Variants in SPRED1 observed in about 807,000 individuals in gnomAD.
SPRED1 encodes sprouty-related, EVH1 domain-containing protein 1.
Under a neutral mutation model 52.3 loss-of-function variants are expected in SPRED1, and 18 were observed. That is an observed-to-expected ratio of 0.34 (90% CI 0.24 to 0.51). The LOEUF (loss-of-function observed/expected upper bound fraction) is 0.51. Among genes scored for constraint, SPRED1 ranks in the 20% least tolerant of loss-of-function variants. The probability of loss-of-function intolerance (pLI) is 0.97; values close to 1 mark genes in which losing one functional copy is unlikely to be tolerated. For missense variants in SPRED1, 485 were observed against 551.0 expected, an observed-to-expected ratio of 0.88 and a Z score of 1.20; for synonymous variants, 155 against 179.7, an observed-to-expected ratio of 0.86 and a Z score of 1.10.
chr15:38,347,802 A>G (rs184290286), intron 5 of SPRED1, among the ~76,000 whole-genome samples: 1 of 145,598 alleles, frequency 6.9e-6, no homozygotes. Context: ...AGCATCTCTT[A>G]TGACTTTTTC....
intron 1 of SPRED1, among the ~76,000 whole-genome samples, chr15:38,282,837 G>A (rs997220098): frequency 1.3e-5 from 2 of 151,926 alleles, no homozygotes; most frequent in African/African-American, 4.8e-5. Context: ...ACCATGGTTT[G>A]TAGCTTTGTA....
intron 4 of SPRED1, among the ~76,000 whole-genome samples, chr15:38,335,495 A>G (rs1174658240): frequency 6.6e-6 from 1 of 152,116 alleles, no homozygotes; most frequent in Non-Finnish European, 1.5e-5. Context: ...TTAGAAAATT[A>G]TTTTATTGAC....
chr15:38,273,040 C>T (rs1212913933), intron 1 of SPRED1, among the ~76,000 whole-genome samples: 1 of 152,050 alleles, frequency 6.6e-6, no homozygotes, highest in Non-Finnish European at 1.5e-5. Context: ...TAATTAGGTC[C>T]CACTTGTCAA....
intron 6 of SPRED1, among the ~76,000 whole-genome samples, chr15:38,350,613 A>G (rs1174874630): frequency 6.6e-6 from 1 of 152,092 alleles, no homozygotes; most frequent in Non-Finnish European, 1.5e-5. Flanking sequence ...TTAAGTCCCA[A>G]ATCTCATCTA....
intron 1 of SPRED1, among the ~76,000 whole-genome samples, chr15:38,257,280 T>G (rs1894117299): frequency 6.6e-6 from 1 of 152,214 alleles, no homozygotes; most frequent in Non-Finnish European, 1.5e-5. Flanking sequence ...TACTTTTGTT[T>G]GTATGCCTAG....
chr15:38,281,049 T>C (rs1056983274), intron 1 of SPRED1, among the ~76,000 whole-genome samples: 1 of 152,092 alleles, frequency 6.6e-6, no homozygotes, highest in Non-Finnish European at 1.5e-5. Context: ...TGGAGAAGAG[T>C]TGATCACTGA....
At chr15:38,350,160 A>C (rs892083563) in intron 6 of SPRED1, among the ~76,000 whole-genome samples, 5 of 152,172 alleles carry the variant, frequency 3.3e-5, no homozygotes, top group Non-Finnish European at 7.3e-5. Flanking sequence ...CAACAACAGA[A>C]ATTTATTTTC....
chr15:38,313,278 A>G (rs866055098), intron 2 of SPRED1, among the ~76,000 whole-genome samples: 3 of 152,052 alleles, frequency 2.0e-5, no homozygotes, highest in Admixed American at 6.6e-5. Flanking sequence ...AAGATAATGT[A>G]GCATTTAACT....
At position 38,269,745 on chromosome 15, in the gene SPRED1, G is replaced by A. The variant is rs1305261440; in HGVS notation, c.32+16528G>A. On this transcript the variant is annotated intron_variant, in intron 1 of 6. Transcript: ENST00000299084. ...TGATGATGGAAACATTCTGTTTGTG[G>A]TATCCACTATGGTAGCTACTATATA... is the stretch of plus-strand genomic sequence containing the variant. 3.9e-5 allele frequency among the ~76,000 whole-genome samples: 6 copies of A among 152,214 alleles called. No homozygotes were observed. In the East Asian group the frequency reaches 1.2e-3, roughly 29 times the overall value.
Position 38,351,742 on chromosome 15 carries a change from A to G in SPRED1, c.*78A>G. 6.5e-7 allele frequency: 1 copy of G among 1,537,306 alleles called. No individual in the cohort carries two copies. The highest frequency in any genetic ancestry group is 1.8e-5 in the Admixed American group (1 of 55,518). On this transcript the variant is annotated 3_prime_UTR_variant, in exon 7 of 7. Coordinates refer to ENST00000299084, the MANE Select transcript of SPRED1 (RefSeq NM_152594.3). ...ACTTGGATTTGTGGAAGCTTTTGGC[A>G]AGCAATATGGAATCTTGCCTGGTAT...
Position 38,315,098 on chromosome 15 carries a change from A to C in SPRED1, c.208-7143A>C, listed in dbSNP as rs533475014. On this transcript the variant is annotated intron_variant, in intron 2 of 6. Coordinates refer to ENST00000299084, the MANE Select transcript of SPRED1 (RefSeq NM_152594.3). ...CTTAAAGGGTACAGGTTTTTATGTC[A>C]TTCAGAAAATTAAAGTTCATTATAA... Among the ~76,000 whole-genome samples, 50 of 152,076 alleles carry C rather than the reference A, an allele frequency of 3.3e-4. 1 individual carries two copies. The highest frequency in any genetic ancestry group is 1.2e-3 in the African/African-American group (49 of 41,564).
chr15:38,352,249 T>G lies in SPRED1; in HGVS notation c.*585T>G, dbSNP rs1595764485. ...TTCCTAGTTCTGAAGTAGATATATA[T>G]ATATATATATCTACTGTCACATTCC... On this transcript the variant is annotated 3_prime_UTR_variant, in exon 7 of 7. Coordinates refer to ENST00000299084, the MANE Select transcript of SPRED1 (RefSeq NM_152594.3). 6.5e-6 allele frequency: 1 copy of G among 152,928 alleles called. No homozygotes were observed. Among genetic ancestry groups the G allele is most frequent in the East Asian group, 1.9e-4 (1 of 5,178 alleles). The allele number at this position is 152,928 out of a possible 1,614,324, so 9.5% of individuals were successfully genotyped here.
At chr15:38,349,766 T>C (rs538615598) in intron 6 of SPRED1, among the ~76,000 whole-genome samples, 1 of 152,240 alleles carries the variant, frequency 6.6e-6, no homozygotes, top group Non-Finnish European at 1.5e-5. Flanking sequence ...ATATTGTTAA[T>C]TAAATAAACT....
chr15:38,311,090 G>A (rs1446506843), intron 2 of SPRED1, among the ~76,000 whole-genome samples: 1 of 152,082 alleles, frequency 6.6e-6, no homozygotes, highest in Non-Finnish European at 1.5e-5. Flanking sequence ...TTTCTTGCAG[G>A]CATTTTTTAT....
chr15:38,311,699 T>C (rs938042322), intron 2 of SPRED1, among the ~76,000 whole-genome samples: 13 of 152,330 alleles, frequency 8.5e-5, no homozygotes, highest in Admixed American at 5.2e-4. Flanking sequence ...GTCTAACTTA[T>C]GAGCATAAAG....
chr15:38,270,579 G>A (rs1377515819), intron 1 of SPRED1, among the ~76,000 whole-genome samples: 6 of 152,282 alleles, frequency 3.9e-5, no homozygotes, highest in Admixed American at 1.3e-4. Context: ...GCAAGGCAGA[G>A]CAGGAGAGAG....
intron 2 of SPRED1, among the ~76,000 whole-genome samples, chr15:38,310,629 G>T (rs1304366769): frequency 6.6e-6 from 1 of 152,048 alleles, no homozygotes; most frequent in Non-Finnish European, 1.5e-5. Context: ...TTAACATTTT[G>T]TGATTTTCAA....
chr15:38,349,407 T>C lies in SPRED1; in HGVS notation c.583-15T>C, dbSNP rs371902444. On this transcript the variant is annotated splice_polypyrimidine_tract_variant and intron_variant, in intron 5 of 6. Transcript: ENST00000299084. Reference sequence around the variant, plus strand: ...AATTCTTGTGTCATTTAAGTAGAAATTGTTTGTATTTTAGATAACATTTGG... The same window carrying C: ...AATTCTTGTGTCATTTAAGTAGAAACTGTTTGTATTTTAGATAACATTTGG... The C allele has an allele frequency of 7.6e-6, 12 of 1,576,046 alleles. No homozygotes were observed. In the African/African-American group the frequency reaches 1.3e-4, roughly 18 times the overall value.
chr15:38,278,831 T>G (rs1457600920), intron 1 of SPRED1, among the ~76,000 whole-genome samples: 1 of 147,814 alleles, frequency 6.8e-6, no homozygotes, highest in Non-Finnish European at 1.5e-5. Flanking sequence ...CTACACTGTT[T>G]TTTTTTTTTT....
Sources: allele counts gnomAD v4.1 joint callset (sites outside exome capture counted in the v4.1 genomes callset), GRCh38; gene constraint gnomAD v4.1.1; transcripts MANE v1.5; gene names NCBI Gene and HGNC (gene_info 2026-07-23, HGNC 2026-07-21).